LAMA2: variants seen among roughly 807,000 people sequenced by gnomAD.
LAMA2 encodes the protein laminin subunit alpha-2.
In LAMA2, 269 loss-of-function variants were observed where a neutral mutation model predicts 364.8. The ratio of observed to expected loss-of-function variants is 0.74; its 90% CI spans 0.67 to 0.82. The LOEUF (loss-of-function observed/expected upper bound fraction) is 0.82, where lower values mean the gene tolerates loss of function less well. Among genes scored for constraint, LAMA2 ranks in the 40% least tolerant of loss-of-function variants. The pLI is 0.00. For missense variants in LAMA2, 3,807 were observed against 3,873.2 expected (o/e 0.98, Z 0.45); for synonymous variants, 1,379 against 1,370.6 (o/e 1.01, Z -0.14).
chr6:129,183,079 A>G (rs1781024366), intron 10 of LAMA2, among the ~76,000 whole-genome samples: 1 of 152,018 alleles, frequency 6.6e-6, no homozygotes, highest in African/African-American at 2.4e-5. Flanking sequence ...AAAATGTGAA[A>G]GCAGTGCTAG....
intron 2 of LAMA2, among the ~76,000 whole-genome samples, chr6:129,055,039 A>G (rs1284650528): frequency 6.6e-6 from 1 of 151,200 alleles, no homozygotes; most frequent in African/African-American, 2.4e-5. Flanking sequence ...CCATGTTTTC[A>G]CATTGAAACC....
intron 20 of LAMA2, among the ~76,000 whole-genome samples, chr6:129,295,002 C>G (rs1583435430): frequency 6.6e-6 from 1 of 152,314 alleles, no homozygotes; most frequent in Middle Eastern, 3.4e-3. Flanking sequence ...CCCTACATAT[C>G]TTACAGTACT....
intron 40 of LAMA2, among the ~76,000 whole-genome samples, chr6:129,407,413 C>A (rs1440026359): frequency 6.6e-6 from 1 of 152,122 alleles, no homozygotes; most frequent in African/African-American, 2.4e-5. Context: ...TAATCCTTAA[C>A]CTAAATGCTA....
Position 129,452,990 on chromosome 6 carries a change from C to A in LAMA2, c.6432C>A (p.Ile2144=). The A allele has an allele frequency of 6.2e-7, 1 of 1,611,856 alleles. No homozygotes were observed. Among genetic ancestry groups the A allele is most frequent in the Admixed American group, 1.7e-5 (1 of 59,892 alleles). The change falls in exon 46 of 65, where the codon ATC becomes ATA. Residue 2144 remains isoleucine, a splice_region_variant and synonymous_variant. Coordinates refer to ENST00000421865, the MANE Select transcript of LAMA2 (RefSeq NM_000426.4). ...TTTGTATCTTGTTTTTTTTAAAGAT[C>A]AAAGTATCTGTGTCTTCAGGAGGTG... ...INQARKQANS[I]KVSVSSGGDC... is the part of the protein sequence containing the mutation.
At chr6:129,328,073 T>C (rs908873970) in intron 28 of LAMA2, among the ~76,000 whole-genome samples, 9 of 152,166 alleles carry the variant, frequency 5.9e-5, no homozygotes, top group Admixed American at 5.9e-4. Context: ...TAAAATCTGA[T>C]TACACATGGA....
At chr6:129,021,377 A>T (rs989389049) in intron 1 of LAMA2, among the ~76,000 whole-genome samples, 3 of 152,242 alleles carry the variant, frequency 2.0e-5, no homozygotes, top group African/African-American at 7.2e-5. Context: ...TGATGCTAAA[A>T]TTAGCCTTTC....
intron 4 of LAMA2, among the ~76,000 whole-genome samples, chr6:129,123,802 G>A (rs1265937044): frequency 3.3e-5 from 5 of 152,270 alleles, no homozygotes; most frequent in South Asian, 2.1e-4. Context: ...TTAAGTCCTC[G>A]AGATCTACTG....
intron 1 of LAMA2, among the ~76,000 whole-genome samples, chr6:128,964,786 C>A (rs750897179): frequency 3.3e-5 from 5 of 151,998 alleles, no homozygotes; most frequent in Non-Finnish European, 7.4e-5. Flanking sequence ...TCTTAGTCCA[C>A]ACACACTTCT....
chr6:128,962,173 T>C (rs1423125489), intron 1 of LAMA2, among the ~76,000 whole-genome samples: 5 of 118,282 alleles, frequency 4.2e-5, no homozygotes, highest in Middle Eastern at 4.2e-3. Context: ...TATATATATA[T>C]ATATATATAT....
intron 29 of LAMA2, among the ~76,000 whole-genome samples, chr6:129,333,374 T>C (rs1258974570): frequency 6.6e-6 from 1 of 152,210 alleles, no homozygotes; most frequent in East Asian, 1.9e-4. Flanking sequence ...ATGGTTAGTA[T>C]AAGAAAAACA....
chr6:129,481,127 C>G, intron 54 of LAMA2, 136 bp from the exon 55 acceptor site: 1 of 712,692 alleles, frequency 1.4e-6, no homozygotes, highest in Admixed American at 2.2e-5. Context: ...CTTAAACTTT[C>G]CATGTTTTCC....
intron 4 of LAMA2, among the ~76,000 whole-genome samples, chr6:129,134,291 T>C (rs1166661425): frequency 6.6e-6 from 1 of 152,256 alleles, no homozygotes; most frequent in Admixed American, 6.5e-5. Flanking sequence ...TTCATCTCCC[T>C]ATAATTTGAG....
intron 1 of LAMA2, among the ~76,000 whole-genome samples, chr6:128,891,853 C>A (rs1320637375): frequency 6.6e-6 from 1 of 151,984 alleles, no homozygotes; most frequent in African/African-American, 2.4e-5. Context: ...CCTCTTTATA[C>A]CTTTAGTTTC....
intron 4 of LAMA2, among the ~76,000 whole-genome samples, chr6:129,123,572 G>A (rs1466620085): frequency 6.6e-6 from 1 of 152,082 alleles, no homozygotes; most frequent in African/African-American, 2.4e-5. Flanking sequence ...AGGAAATCCT[G>A]CCATTTCAGG....
At chr6:128,892,007 A>G (rs575339188) in intron 1 of LAMA2, among the ~76,000 whole-genome samples, 1 of 152,174 alleles carries the variant, frequency 6.6e-6, no homozygotes, top group South Asian at 2.1e-4. Flanking sequence ...TCTATTCGTA[A>G]GATAGGTTTA....
At chr6:128,905,625 A>G (rs1415306966) in intron 1 of LAMA2, 1 of 151,186 alleles carries the variant, frequency 6.6e-6, no homozygotes, top group African/African-American at 2.4e-5. Flanking sequence ...TTTATTTTTT[A>G]TTTTTATTTT....
rs575661650 is a variant in LAMA2 at position 129,486,337 on chromosome 6, C to T, written c.7750-137C>T. On this transcript the variant is annotated intron_variant, in intron 55 of 64. Coordinates refer to ENST00000421865, the MANE Select transcript of LAMA2 (RefSeq NM_000426.4). ...AAGATATTTCCAGCTGTTTTCAAAA[C>T]CGTTTGAGAAAATAAAGTCTTAATT... The T allele has an allele frequency of 1.2e-3, 1,014 of 816,480 alleles. 19 individuals carry two copies. The South Asian group carries it at 0.014, about 11-fold the overall frequency. The allele number at this position is 816,480 out of a possible 1,614,324, so 50.6% of individuals were successfully genotyped here.
intron 55 of LAMA2, among the ~76,000 whole-genome samples, chr6:129,485,897 G>T (rs1784562356): frequency 6.6e-6 from 1 of 152,164 alleles, no homozygotes; most frequent in South Asian, 2.1e-4. Context: ...GCTCCCTGGG[G>T]TTCATGATGG....
intron 16 of LAMA2, among the ~76,000 whole-genome samples, chr6:129,267,714 A>T (rs1562396570): frequency 6.6e-6 from 1 of 152,288 alleles, no homozygotes; most frequent in South Asian, 2.1e-4. Context: ...TCATTTGTAG[A>T]TTAAAAATAA....
Sources: gnomAD v4.1 joint callset for allele counts (sites outside exome capture counted in the v4.1 genomes callset) on GRCh38, gnomAD v4.1.1 for gene constraint, MANE v1.5 for transcripts, NCBI Gene and HGNC (gene_info 2026-07-23, HGNC 2026-07-21) for gene names.